Variants in MYH4 observed in about 807,000 individuals in gnomAD.
MYH4 encodes the protein myosin-4.
MYH4 carries 200 observed loss-of-function variants against 229.9 expected under a neutral mutation model. The observed-to-expected ratio is 0.87, with a 90% CI of 0.78 to 0.98. The LOEUF (loss-of-function observed/expected upper bound fraction) is 0.98. MYH4 is among the 50% of genes least tolerant of loss of function. The probability of loss-of-function intolerance (pLI) is 0.00; values close to 1 mark genes in which losing one functional copy is unlikely to be tolerated. For missense variants in MYH4, 2,148 were observed against 2,332.6 expected, an observed-to-expected ratio of 0.92 and a Z score of 1.63; for synonymous variants, 761 against 834.6, an observed-to-expected ratio of 0.91 and a Z score of 1.52.
At position 10,466,553 on chromosome 17, in the gene MYH4, C is replaced by T. The variant is rs762459588; in HGVS notation, c.193G>A (p.Glu65Lys). 18 of 1,613,782 alleles carry T rather than the reference C, an allele frequency of 1.1e-5. 1 individual carries two copies. Among genetic ancestry groups the T allele is most frequent in the Middle Eastern group, 1.7e-4 (1 of 5,840 alleles). Residue 65 changes from glutamate (E) to lysine (K), a missense_variant, in exon 3 of 40, where the codon GAA (glutamate) becomes AAA (lysine). By Grantham distance (56) the Glu-to-Lys change is moderately conservative. Transcript: ENST00000255381. ...GTGTTTTTACTCACAGCTCCAGCTT[C>T]GGTCTTGGCTGTCACCTTCCCCCCT... ...REGGKVTAKTEAGATVTVKED... is the reference protein window; with the variant it reads ...REGGKVTAKTKAGATVTVKED...
Position 10,466,571 on chromosome 17 carries a change from TC to T in MYH4, c.174del (p.Lys59ArgfsTer2). On this transcript the variant is annotated frameshift_variant, in exon 3 of 40. Coordinates refer to ENST00000255381, the MANE Select transcript of MYH4 (RefSeq NM_017533.2). LOFTEE classifies it high-confidence loss of function. ...CCAGCTTCGGTCTTGGCTGTCACCT[TC>T]CCCCCTTCCCTGCTCTGCACTATTG... ...VKAIVQSREG[G>X]KVTAKTEAGA... The T allele has an allele frequency of 6.2e-7, 1 of 1,613,784 alleles. No individual in the cohort carries two copies.
chr17:10,466,069 C>T (rs1337361487), intron 4 of MYH4, among the ~76,000 whole-genome samples: 10 of 152,154 alleles, frequency 6.6e-5, no homozygotes, highest in African/African-American at 9.7e-5. Flanking sequence ...CCACCGCGCC[C>T]GGCCCAGTTT....
At chr17:10,463,054 A>G in intron 10 of MYH4, 36 bp downstream of exon 10, 1 of 1,591,470 alleles carries the variant, frequency 6.3e-7, no homozygotes, top group Non-Finnish European at 8.6e-7. Flanking sequence ...AAGGGCTGTT[A>G]TTCTTTGGTA....
intron 16 of MYH4, 71 bp from the exon 17 acceptor site, chr17:10,456,626 C>G (rs1004249524): frequency 8.2e-7 from 1 of 1,225,418 alleles, no homozygotes; most frequent in Non-Finnish European, 1.2e-6. Flanking sequence ...AACATCAGGA[C>G]TGCCAAAATT....
At position 10,455,091 on chromosome 17, in the gene MYH4, A is replaced by G; in HGVS notation, c.2299-14T>C. On this transcript the variant is annotated splice_polypyrimidine_tract_variant and intron_variant, in intron 20 of 39. Transcript: ENST00000255381. Reference sequence around the variant, plus strand: ...TTTGAAGAAAACCTTATGAAAGAACAAGTTAAATATGTTATTTCCACTTAC... The same window carrying G: ...TTTGAAGAAAACCTTATGAAAGAACGAGTTAAATATGTTATTTCCACTTAC... 6.2e-7 allele frequency: 1 copy of G among 1,614,150 alleles called. No homozygotes were observed. The highest frequency in any genetic ancestry group is 8.5e-7 in the Non-Finnish European group (1 of 1,179,994).
chr17:10,450,353 T>G, intron 30 of MYH4, 100 bp downstream of exon 30: 2 of 1,582,194 alleles, frequency 1.3e-6, no homozygotes, highest in East Asian at 4.5e-5. Flanking sequence ...AGCTGAAGTC[T>G]TTCATGTGTC....
intron 16 of MYH4, among the ~76,000 whole-genome samples, chr17:10,457,098 G>A (rs2072648049): frequency 6.6e-6 from 1 of 152,242 alleles, no homozygotes; most frequent in Admixed American, 6.5e-5. Flanking sequence ...CTCCAGCCTA[G>A]CTGGAGAACC....
intron 30 of MYH4, among the ~76,000 whole-genome samples, chr17:10,449,775 T>C (rs1468906316): frequency 1.3e-5 from 2 of 152,180 alleles, no homozygotes. Context: ...CCAACCTATG[T>C]AATTCATGAC....
chr17:10,452,999 A>T, intron 24 of MYH4, 67 bp from the exon 25 acceptor site: 3 of 1,586,702 alleles, frequency 1.9e-6, no homozygotes, highest in Non-Finnish European at 1.7e-6. Context: ...GTAGCCTTCA[A>T]AGATACATAA....
rs968631820 is a variant in MYH4 at position 10,448,745 on chromosome 17, C to T, written c.4404G>A (p.Gln1468=). ...CCTTCTGGGAGGCCTCAAGTTCAGC[C>T]TGAGTTTCCTCATACTTCTGTTTCC... ...AEWKQKYEET[Q]AELEASQKES... is the part of the protein sequence containing the mutation. The change falls in exon 32 of 40, where the codon CAG becomes CAA. Residue 1468 remains glutamine, a synonymous_variant. Coordinates refer to ENST00000255381, the MANE Select transcript of MYH4 (RefSeq NM_017533.2). 6.2e-7 allele frequency: 1 copy of T among 1,614,110 alleles called. No homozygotes were observed. The highest frequency in any genetic ancestry group is 8.5e-7 in the Non-Finnish European group (1 of 1,180,010).
intron 34 of MYH4, 29 bp from the exon 35 acceptor site, chr17:10,447,245 T>C (rs1255341529): frequency 1.2e-6 from 2 of 1,601,102 alleles, no homozygotes; most frequent in East Asian, 2.2e-5. Context: ...AGCCTCTTAC[T>C]CATGCTGCAC....
Position 10,451,359 on chromosome 17 carries a change from A to G in MYH4, c.3832T>C (p.Ser1278Pro). The G allele has an allele frequency of 6.2e-7, 1 of 1,614,044 alleles. No individual in the cohort carries two copies. Among genetic ancestry groups the G allele is most frequent in the South Asian group, 1.1e-5 (1 of 91,082 alleles). ...EEQQRLINELSAQKARLHTES... is the reference protein window; with the variant it reads ...EEQQRLINELPAQKARLHTES... ...GTGTGTAAACGTGCCTTCTGGGCTGACAACTCATTTATTAAGCGTTGTTGC... is the reference window on the plus strand; with the variant it reads ...GTGTGTAAACGTGCCTTCTGGGCTGGCAACTCATTTATTAAGCGTTGTTGC... Residue 1278 changes from serine (S) to proline (P), a missense_variant, in exon 28 of 40, where the codon TCA becomes CCA. Coordinates refer to ENST00000255381, the MANE Select transcript of MYH4 (RefSeq NM_017533.2).
intron 15 of MYH4, 30 bp downstream of exon 15, chr17:10,459,221 T>C: frequency 6.2e-7 from 1 of 1,613,978 alleles, no homozygotes; most frequent in Non-Finnish European, 8.5e-7. Flanking sequence ...TTGGTTTTCA[T>C]GTTTTGAAAG....
chr17:10,446,869 A>G, intron 35 of MYH4, 144 bp downstream of exon 35: 1 of 746,292 alleles, frequency 1.3e-6, no homozygotes, highest in Non-Finnish European at 2.1e-6. Flanking sequence ...GCTAGGTCCC[A>G]GTAAATCCTT....
chr17:10,445,494 T>C, intron 35 of MYH4, 132 bp from the exon 36 acceptor site: 1 of 1,213,080 alleles, frequency 8.2e-7, no homozygotes. Context: ...AATTAGAAGA[T>C]AATTCTAAGT....
intron 39 of MYH4, 118 bp downstream of exon 39, chr17:10,444,486 T>C (rs1009275028): frequency 2.8e-6 from 2 of 718,658 alleles, no homozygotes; most frequent in Non-Finnish European, 2.4e-6. Flanking sequence ...AATATTCATG[T>C]TCATACCTAA....
At chr17:10,459,823 T>C in intron 14 of MYH4, 129 bp downstream of exon 14, 1 of 1,543,240 alleles carries the variant, frequency 6.5e-7, no homozygotes, top group Non-Finnish European at 8.8e-7. Context: ...ACTTTTCATA[T>C]CTTTTCAAAG....
At chr17:10,465,772 T>TTC (rs988611276) in intron 4 of MYH4, among the ~76,000 whole-genome samples, 174 bp from the exon 5 acceptor site, 19 of 131,160 alleles carry the variant, frequency 1.4e-4, no homozygotes, top group African/African-American at 5.1e-4. Flanking sequence ...CAGTTTTTCT[T>TTC]TTTTTTTTTT....
At chr17:10,458,031 G>A (rs1307724890) in intron 15 of MYH4, among the ~76,000 whole-genome samples, 2 of 152,098 alleles carry the variant, frequency 1.3e-5, no homozygotes, top group Admixed American at 1.3e-4. Flanking sequence ...GTATATATCT[G>A]ACTACTTTCT....
Sources: allele counts gnomAD v4.1 joint callset (sites outside exome capture counted in the v4.1 genomes callset), GRCh38; gene constraint gnomAD v4.1.1; transcripts MANE v1.5; gene names NCBI Gene and HGNC (gene_info 2026-07-23, HGNC 2026-07-21).